The following NR2E1 variants were observed in gnomAD, a reference collection of about 807,000 sequenced individuals.
NR2E1 encodes the protein nuclear receptor TLX.
In NR2E1, 5 loss-of-function variants were observed where a neutral mutation model predicts 43.6. That is an observed-to-expected ratio of 0.11 (90% CI 0.06 to 0.24). The LOEUF (loss-of-function observed/expected upper bound fraction) is 0.24, where lower values mean the gene tolerates loss of function less well. Among genes scored for constraint, NR2E1 ranks in the 10% least tolerant of loss-of-function variants. NR2E1 has a pLI of 1.00. For synonymous variants in NR2E1, 191 were observed against 195.5 expected (o/e 0.98, Z 0.19); for missense variants, 287 against 496.7 (o/e 0.58, Z 4.01).
intron 5 of NR2E1, chr6:108,179,169 G>A (rs1773946647): frequency 6.6e-6 from 1 of 152,156 alleles, no homozygotes; most frequent in Admixed American, 6.5e-5. Flanking sequence ...TGTGCTAAAA[G>A]CATTTCATTT....
At chr6:108,175,489 A>G (rs1019112621) in intron 3 of NR2E1, among the ~76,000 whole-genome samples, 1 of 152,228 alleles carries the variant, frequency 6.6e-6, no homozygotes, top group Non-Finnish European at 1.5e-5. Flanking sequence ...AAAGAGGGAA[A>G]GGGGGCTGGA....
At chr6:108,179,681 A>C (rs992329934) in intron 5 of NR2E1, among the ~76,000 whole-genome samples, 2 of 152,268 alleles carry the variant, frequency 1.3e-5, no homozygotes, top group Admixed American at 1.3e-4. Flanking sequence ...AATTTGGAAA[A>C]AGAGACAGAT....
intron 4 of NR2E1, among the ~76,000 whole-genome samples, chr6:108,177,758 A>G (rs938652690): frequency 1.3e-5 from 2 of 152,198 alleles, no homozygotes; most frequent in African/African-American, 4.8e-5. Context: ...TATTTACACA[A>G]ATGCAAGCAG....
At chr6:108,179,340 T>C (rs1773948388) in intron 5 of NR2E1, 1 of 152,234 alleles carries the variant, frequency 6.6e-6, no homozygotes, top group East Asian at 1.9e-4. Flanking sequence ...ATTGTGATTT[T>C]GGTTACAAGC....
At chr6:108,181,713 C>T (rs1308080843) in intron 8 of NR2E1, 62 bp downstream of exon 8, 1 of 1,240,628 alleles carries the variant, frequency 8.1e-7, no homozygotes, top group Non-Finnish European at 1.2e-6. Flanking sequence ...AATGCCTGAG[C>T]AGGCGGTAAT....
Position 108,187,440 on chromosome 6 carries a change from A to G in NR2E1, c.1135A>G (p.Met379Val), listed in dbSNP as rs1252385139. 3.1e-6 allele frequency: 5 copies of G among 1,614,238 alleles called. No individual in the cohort carries two copies. Among genetic ancestry groups the G allele is most frequent in the Non-Finnish European group, 4.2e-6 (5 of 1,180,042 alleles). ...GCCAATTACAAGACTGCTTTCAGAT[A>G]TGTACAAATCCAGTGATATCTAAGC... The part of the protein sequence containing the change: ...NVPITRLLSD[M>V]YKSSDI The change falls in exon 9 of 9, where the codon ATG (methionine) becomes GTG (valine). Residue 379 changes from methionine to valine, a missense_variant. Transcript: ENST00000368986.
At chr6:108,168,200 G>A (rs1773744469) in intron 1 of NR2E1, 2 of 1,552,908 alleles carry the variant, frequency 1.3e-6, no homozygotes, top group South Asian at 1.2e-5. Flanking sequence ...GCATTCCCGG[G>A]CGTGAGTGTC....
At position 108,170,916 on chromosome 6, in the gene NR2E1, C is replaced by A. The variant is rs192387789; in HGVS notation, c.26-542C>A. ...CACTACCCTTATTATCATTAATAAT[C>A]CAAGTATTAGCATTACAATAATAAT... On this transcript the variant is annotated intron_variant, in intron 1 of 8. Transcript: ENST00000368986. 1.4e-4 allele frequency among the ~76,000 whole-genome samples: 21 copies of A among 152,306 alleles called. No individual in the cohort carries two copies. In the East Asian group the frequency reaches 3.9e-3, roughly 28 times the overall value.
Position 108,166,744 on chromosome 6 carries a change from G to A in NR2E1, c.-22G>A. On this transcript the variant is annotated 5_prime_UTR_variant, in exon 1 of 9. Transcript: ENST00000368986. This position sits in a 1 kb window ranked among gnomAD's most constrained non-coding sequence, Gnocchi z 7.2. Reference sequence around the variant, plus strand: ...GGGACTCGGGCAGCGCCCACCAACCGCTCCGCCCCGGGACAGCCAGCATGA... The same window carrying A: ...GGGACTCGGGCAGCGCCCACCAACCACTCCGCCCCGGGACAGCCAGCATGA... 4 of 1,551,402 alleles carry A rather than the reference G, an allele frequency of 2.6e-6. No individual in the cohort carries two copies. Among genetic ancestry groups the A allele is most frequent in the Non-Finnish European group, 3.5e-6 (4 of 1,153,288 alleles).
intron 2 of NR2E1, 82 bp downstream of exon 2, chr6:108,171,685 T>C: frequency 6.4e-7 from 1 of 1,571,228 alleles, no homozygotes; most frequent in Admixed American, 1.7e-5. Context: ...TCCTCTGAGT[T>C]TCCACGCAGT....
intron 1 of NR2E1, chr6:108,168,647 C>A (rs980243438): frequency 6.5e-6 from 1 of 153,018 alleles, no homozygotes; most frequent in South Asian, 2.1e-4. Flanking sequence ...ACAGCGGCCC[C>A]CGCCGGTGGC....
At position 108,179,403 on chromosome 6, in the gene NR2E1, TAG is replaced by T. The variant is rs1241071761; in HGVS notation, c.643-917_643-916del. On this transcript the variant is annotated intron_variant, in intron 5 of 8. Transcript: ENST00000368986. ...AAGAAATCCTTTTACATAAATCATT[TAG>T]AGTTGACTGGCTTTTGAGTTTTGAG... The T allele has an allele frequency of 1.3e-4, 20 of 152,156 alleles. 1 individual carries two copies. Among genetic ancestry groups the T allele is most frequent in the Admixed American group, 1.3e-3 (20 of 15,274 alleles). The allele number at this position is 152,156 out of a possible 1,614,324, so 9.4% of individuals were successfully genotyped here.
chr6:108,171,279 GA>G (rs1163469223), intron 1 of NR2E1, among the ~76,000 whole-genome samples, 178 bp from the exon 2 acceptor site: 7 of 152,200 alleles, frequency 4.6e-5, no homozygotes, highest in African/African-American at 1.4e-4. Context: ...CTTGCTCAAG[GA>G]AAAAAAGTTT....
Position 108,180,292 on chromosome 6 carries a change from TA to T in NR2E1, c.643-30del, listed in dbSNP as rs754981875. ...GTTTATAAATTTATAAATTACACAC[TA>T]TATTATATTATACATCTATTGTATG... On this transcript the variant is annotated intron_variant, in intron 5 of 8. Transcript: ENST00000368986. The surrounding 1 kb of genome is among the most constrained non-coding windows in gnomAD (Gnocchi z 5.4). 1 of 1,264,280 alleles carries T rather than the reference TA, an allele frequency of 7.9e-7. No homozygotes were observed. The highest frequency in any genetic ancestry group is 1.2e-5 in the South Asian group (1 of 83,106). 78.3% of individuals were successfully genotyped at this position (1,264,280 alleles called of 1,614,324 possible). A position where few individuals can be genotyped will look rare whatever the true frequency, so the allele number is the denominator to read the frequency against.
At chr6:108,167,616 C>A (rs558682864) in intron 1 of NR2E1, among the ~76,000 whole-genome samples, 99 of 152,154 alleles carry the variant, frequency 6.5e-4, no homozygotes, top group Non-Finnish European at 1.2e-3. Flanking sequence ...GTTGAGCAGG[C>A]GCGGTCACGG....
At chr6:108,175,013 T>C (rs1049788492) in intron 3 of NR2E1, 90 bp downstream of exon 3, 22 of 1,221,478 alleles carry the variant, frequency 1.8e-5, no homozygotes, top group African/African-American at 6.0e-5. Context: ...TGCATGTAAA[T>C]CAACCCCGGA....
At chr6:108,167,139 C>A (rs932501260) in intron 1 of NR2E1, among the ~76,000 whole-genome samples, 1 of 152,062 alleles carries the variant, frequency 6.6e-6, no homozygotes, top group Non-Finnish European at 1.5e-5. Flanking sequence ...GGCGGTAGCA[C>A]AATAACACAC....
intron 8 of NR2E1, among the ~76,000 whole-genome samples, chr6:108,185,403 C>CACACAT (rs1383292403): frequency 3.2e-5 from 3 of 94,270 alleles, no homozygotes; most frequent in East Asian, 4.5e-4. Flanking sequence ...CACACGCACA[C>CACACAT]ACACATACAC....
rs556867793 is a variant in NR2E1 at position 108,166,488 on chromosome 6, C to T, written c.-278C>T. On this transcript the variant is annotated 5_prime_UTR_variant, in exon 1 of 9. Coordinates refer to ENST00000368986, the MANE Select transcript of NR2E1 (RefSeq NM_003269.5). This position sits in a 1 kb window ranked among gnomAD's most constrained non-coding sequence, Gnocchi z 7.2. ...TCAGTCTTCCTGTCCATCTCTCCAT[C>T]TGTCTGTCCATGTGTGTGTCCATAT... The T allele has an allele frequency of 2.6e-5, 11 of 420,522 alleles. No individual in the cohort carries two copies. Among genetic ancestry groups the T allele is most frequent in the African/African-American group, 2.1e-4 (10 of 47,394 alleles). The allele number at this position is 420,522 out of a possible 1,614,324, so 26.0% of individuals were successfully genotyped here. A position where few individuals can be genotyped will look rare whatever the true frequency, so the allele number is the denominator to read the frequency against.
Sources: allele counts gnomAD v4.1 joint callset (sites outside exome capture counted in the v4.1 genomes callset), GRCh38; gene constraint gnomAD v4.1.1; non-coding constraint Gnocchi (gnomAD v3.1); transcripts MANE v1.5; gene names NCBI Gene and HGNC (gene_info 2026-07-23, HGNC 2026-07-21).